CRCP: variants seen among roughly 807,000 people sequenced by gnomAD.
CRCP encodes CGRP receptor component, also known as DNA-directed RNA polymerase III subunit RPC9.
CRCP carries 18 observed loss-of-function variants against 18.5 expected under a neutral mutation model. That is an observed-to-expected ratio of 0.97 (90% CI 0.67 to 1.44). The LOEUF (loss-of-function observed/expected upper bound fraction) is 1.44. Among genes scored for constraint, CRCP ranks in the 40% most tolerant of loss-of-function variants. The pLI, the probability that CRCP is intolerant of heterozygous loss-of-function variation, is 0.00. For synonymous variants in CRCP, 53 were observed against 62.9 expected (o/e 0.84, Z 0.75); for missense variants, 130 against 176.4 (o/e 0.74, Z 1.49).
chr7:66,114,987 G>A lies in CRCP; in HGVS notation c.8+17G>A, dbSNP rs1283699679. The A allele has an allele frequency of 1.1e-5, 18 of 1,607,652 alleles. No individual in the cohort carries two copies. Among genetic ancestry groups the A allele is most frequent in the Non-Finnish European group, 1.4e-5 (17 of 1,175,146 alleles). ...CATGGAAGTGTAAGTCTTCTCGGGC[G>A]CGTCCCTTTTCGCCCGAGGAGCCCA... On this transcript the variant is annotated intron_variant, in intron 1 of 5. Transcript: ENST00000395326.
intron 4 of CRCP, among the ~76,000 whole-genome samples, chr7:66,139,341 A>G (rs1238120835): frequency 6.6e-6 from 1 of 152,176 alleles, no homozygotes; most frequent in Non-Finnish European, 1.5e-5. Context: ...GTTATTTGTT[A>G]TAACTTCTAT....
At chr7:66,150,354 G>GAAACTCTGTCTCAAAAAAAAAAA (rs57066308) in intron 5 of CRCP, among the ~76,000 whole-genome samples, 2,580 of 146,480 alleles carry the variant, frequency 0.018, 71 homozygotes, top group East Asian at 0.088. Flanking sequence ...CAACAAGAGT[G>GAAACTCTGTCTCAAAAAAAAAAA]AAGGGGGGGA....
intron 1 of CRCP, among the ~76,000 whole-genome samples, chr7:66,126,391 C>G (rs1787619494): frequency 6.7e-6 from 1 of 149,274 alleles, no homozygotes; most frequent in Non-Finnish European, 1.5e-5. Context: ...ACCCCTCTAC[C>G]TGATTTTTAA....
At chr7:66,116,980 G>A (rs917429738) in intron 1 of CRCP, among the ~76,000 whole-genome samples, 2 of 152,106 alleles carry the variant, frequency 1.3e-5, no homozygotes. Flanking sequence ...AATTAACTGG[G>A]TGTAGTGGTG....
At chr7:66,147,273 A>G (rs955219980) in intron 5 of CRCP, among the ~76,000 whole-genome samples, 1 of 151,646 alleles carries the variant, frequency 6.6e-6, no homozygotes, top group African/African-American at 2.4e-5. Context: ...CGGGAGGCCA[A>G]GGTTGCAGTG....
intron 1 of CRCP, chr7:66,120,652 C>G (rs975302385): frequency 6.6e-6 from 1 of 151,940 alleles, no homozygotes; most frequent in African/African-American, 2.4e-5. Context: ...ACAACACGAG[C>G]TTGAACTTCA....
chr7:66,146,001 A>G (rs4718307), intron 5 of CRCP, among the ~76,000 whole-genome samples: 89,708 of 151,520 alleles, frequency 0.59, 26,983 homozygotes, highest in African/African-American at 0.68. Context: ...CTTTCATCTC[A>G]CAGTCAGGGA....
At chr7:66,116,372 G>A (rs1787261820) in intron 1 of CRCP, among the ~76,000 whole-genome samples, 1 of 151,200 alleles carries the variant, frequency 6.6e-6, no homozygotes, top group Non-Finnish European at 1.5e-5. Flanking sequence ...GTTCATGCCT[G>A]TAGTCTCAGC....
chr7:66,134,444 C>T (rs12538025), intron 4 of CRCP, 70 bp downstream of exon 4: 49,754 of 1,090,994 alleles, frequency 0.046, 1,466 homozygotes, highest in East Asian at 0.11. Context: ...TCGTAGCAAC[C>T]GTGTATTGAT....
chr7:66,122,764 G>C lies in CRCP; in HGVS notation c.9-4940G>C, dbSNP rs551866900. Among the ~76,000 whole-genome samples the C allele has an allele frequency of 5.8e-4, 89 of 152,206 alleles. No individual in the cohort carries two copies. The South Asian group carries it at 0.018, about 31-fold the overall frequency. The stretch of plus-strand genomic sequence containing the variant: ...ACAGTTCGGGAGACTGGATCAAGGT[G>C]TAGCAGGTTTGGTTTCTTTTGAGGC... On this transcript the variant is annotated intron_variant, in intron 1 of 5. Coordinates refer to ENST00000395326, the MANE Select transcript of CRCP (RefSeq NM_014478.5).
chr7:66,137,005 T>C (rs1190291834), intron 4 of CRCP, among the ~76,000 whole-genome samples: 1 of 151,664 alleles, frequency 6.6e-6, no homozygotes, highest in Non-Finnish European at 1.5e-5. Context: ...CACTTGAACC[T>C]GGGAGATGGA....
chr7:66,122,116 C>T (rs1787459257), intron 1 of CRCP, among the ~76,000 whole-genome samples: 1 of 152,156 alleles, frequency 6.6e-6, no homozygotes, highest in Admixed American at 6.5e-5. Context: ...TGGCTCACGC[C>T]TGTAATCCCA....
rs181793565 is a variant in CRCP at position 66,152,418 on chromosome 7, C to G, written c.*61C>G. ...GAAGGCCTGGCAGCCATTTCCTGGA[C>G]GTTGAGAGGATTGTTTATTTGATTT... On this transcript the variant is annotated 3_prime_UTR_variant, in exon 6 of 6. Transcript: ENST00000395326. 10 of 1,576,168 alleles carry G rather than the reference C, an allele frequency of 6.3e-6. No individual in the cohort carries two copies. Among genetic ancestry groups the G allele is most frequent in the Non-Finnish European group, 6.9e-6 (8 of 1,153,176 alleles).
intron 1 of CRCP, 113 bp from the exon 2 acceptor site, chr7:66,127,591 T>C: frequency 8.5e-7 from 1 of 1,172,560 alleles, no homozygotes; most frequent in Non-Finnish European, 1.3e-6. Context: ...TAGGTTGTAG[T>C]CCCTAAATTC....
chr7:66,114,999 G>T, intron 1 of CRCP, 29 bp downstream of exon 1: 1 of 1,604,970 alleles, frequency 6.2e-7, no homozygotes, highest in Non-Finnish European at 8.5e-7. Flanking sequence ...GTCCCTTTTC[G>T]CCCGAGGAGC....
chr7:66,121,192 A>G (rs2115865190), intron 1 of CRCP, among the ~76,000 whole-genome samples: 1 of 151,746 alleles, frequency 6.6e-6, no homozygotes, highest in African/African-American at 2.4e-5. Context: ...CTCCTGCCTG[A>G]GCCTACTGGG....
At chr7:66,119,050 TCCTGCC>T (rs531976339) in intron 1 of CRCP, among the ~76,000 whole-genome samples, 183 of 152,080 alleles carry the variant, frequency 1.2e-3, no homozygotes, top group Admixed American at 3.1e-3. Context: ...TCAGAGGGGG[TCCTGCC>T]CCTTACCCAG....
At chr7:66,127,798 T>A in intron 2 of CRCP, 58 bp downstream of exon 2, 1 of 1,576,302 alleles carries the variant, frequency 6.3e-7, no homozygotes, top group South Asian at 1.1e-5. Context: ...CCTGAGATTG[T>A]TAAATTGATT....
intron 5 of CRCP, among the ~76,000 whole-genome samples, chr7:66,151,364 T>C (rs1487445436): frequency 4.6e-5 from 7 of 152,054 alleles, no homozygotes; most frequent in Non-Finnish European, 7.3e-5. Context: ...GCTCAAGAGA[T>C]TGAGACCATC....
Sources: gnomAD v4.1 joint callset for allele counts (sites outside exome capture counted in the v4.1 genomes callset) on GRCh38, gnomAD v4.1.1 for gene constraint, MANE v1.5 for transcripts, NCBI Gene and HGNC (gene_info 2026-07-23, HGNC 2026-07-21) for gene names.